The following ARHGEF28 variants were observed in gnomAD, a reference collection of about 807,000 sequenced individuals.
ARHGEF28 encodes the protein 190 kDa guanine nucleotide exchange factor.
In ARHGEF28, 152 loss-of-function variants were observed where a neutral mutation model predicts 206.6. The observed-to-expected ratio is 0.74, with a 90% CI of 0.64 to 0.84. The LOEUF (loss-of-function observed/expected upper bound fraction) is 0.84, where lower values mean the gene tolerates loss of function less well. Among genes scored for constraint, ARHGEF28 ranks in the 40% least tolerant of loss-of-function variants. ARHGEF28 has a pLI of 0.00. For synonymous variants in ARHGEF28, 763 were observed against 776.4 expected (o/e 0.98, Z 0.29); for missense variants, 2,028 against 2,073.2 (o/e 0.98, Z 0.42).
intron 4 of ARHGEF28, among the ~76,000 whole-genome samples, chr5:73,762,668 A>G (rs979685833): frequency 6.6e-6 from 1 of 152,096 alleles, no homozygotes; most frequent in African/African-American, 2.4e-5. Context: ...TCTTGTCAAC[A>G]CATTTAATTT....
intron 18 of ARHGEF28, among the ~76,000 whole-genome samples, 165 bp downstream of exon 18, chr5:73,866,178 T>C (rs1457481875): frequency 6.6e-6 from 1 of 152,230 alleles, no homozygotes; most frequent in Non-Finnish European, 1.5e-5. Flanking sequence ...TCAAGAAGGC[T>C]ATCAACTTCT....
chr5:73,770,348 T>G (rs1372010807), intron 4 of ARHGEF28, among the ~76,000 whole-genome samples: 2 of 152,228 alleles, frequency 1.3e-5, no homozygotes, highest in African/African-American at 2.4e-5. Flanking sequence ...TGTTATGCAG[T>G]AAGGAATGGC....
At chr5:73,628,091 C>CT (rs370617302) in intron 1 of ARHGEF28, among the ~76,000 whole-genome samples, 1,767 of 146,888 alleles carry the variant, frequency 0.012, 24 homozygotes, top group African/African-American at 0.04. Flanking sequence ...GGGTTTCATA[C>CT]TTTTTTTTTT....
chr5:73,893,893 T>C (rs756464319), intron 28 of ARHGEF28, among the ~76,000 whole-genome samples: 3 of 152,174 alleles, frequency 2.0e-5, no homozygotes, highest in Non-Finnish European at 4.4e-5. Flanking sequence ...CTTTGAGCTT[T>C]AAGAATTCTG....
intron 35 of ARHGEF28, among the ~76,000 whole-genome samples, chr5:73,923,551 G>A (rs1217552207): frequency 2.0e-5 from 3 of 152,300 alleles, no homozygotes; most frequent in Admixed American, 1.3e-4. Context: ...TCAGGTAAGA[G>A]ATACAGATAT....
intron 7 of ARHGEF28, among the ~76,000 whole-genome samples, chr5:73,789,468 T>C (rs1473764990): frequency 1.3e-5 from 2 of 152,110 alleles, no homozygotes; most frequent in Non-Finnish European, 2.9e-5. Flanking sequence ...ATTGGAGTGA[T>C]GAAAATATCC....
intron 9 of ARHGEF28, among the ~76,000 whole-genome samples, chr5:73,806,754 A>C (rs111206742): frequency 0.017 from 2,048 of 118,724 alleles, 218 homozygotes; most frequent in African/African-American, 0.065. Context: ...CATATATACG[A>C]TATATCGTAT....
intron 9 of ARHGEF28, chr5:73,813,623 C>G: frequency 6.5e-7 from 1 of 1,535,858 alleles, no homozygotes; most frequent in Non-Finnish European, 8.7e-7. Flanking sequence ...TTTAACTACT[C>G]GTGGCCTTCC....
chr5:73,713,544 T>G (rs1384866498), intron 2 of ARHGEF28, among the ~76,000 whole-genome samples: 1 of 152,182 alleles, frequency 6.6e-6, no homozygotes, highest in Non-Finnish European at 1.5e-5. Flanking sequence ...ACTTCAATTC[T>G]GAACAGATAG....
At chr5:73,811,363 A>G (rs1169630179) in intron 9 of ARHGEF28, among the ~76,000 whole-genome samples, 2 of 152,208 alleles carry the variant, frequency 1.3e-5, no homozygotes, top group Non-Finnish European at 1.5e-5. Context: ...ACACTTTATA[A>G]TAGTTCTTGT....
At chr5:73,700,141 G>C (rs1235457158) in intron 2 of ARHGEF28, among the ~76,000 whole-genome samples, 2 of 152,160 alleles carry the variant, frequency 1.3e-5, no homozygotes, top group Non-Finnish European at 2.9e-5. Flanking sequence ...TCAATTATCT[G>C]GTCTTTGAAA....
chr5:73,862,699 A>G (rs1240825702), intron 16 of ARHGEF28, among the ~76,000 whole-genome samples: 1 of 152,100 alleles, frequency 6.6e-6, no homozygotes, highest in Non-Finnish European at 1.5e-5. Context: ...AATACACTGA[A>G]TTAATTATTA....
chr5:73,683,911 C>G (rs977840976), intron 1 of ARHGEF28, among the ~76,000 whole-genome samples: 3 of 152,056 alleles, frequency 2.0e-5, no homozygotes, highest in Non-Finnish European at 4.4e-5. Context: ...TAGGAGCAGT[C>G]TATGGGATAG....
intron 16 of ARHGEF28, among the ~76,000 whole-genome samples, chr5:73,859,124 A>T (rs1479364257): frequency 6.6e-6 from 1 of 152,092 alleles, no homozygotes; most frequent in Non-Finnish European, 1.5e-5. Flanking sequence ...TCCCATTATA[A>T]TATTTACCAC....
Position 73,868,035 on chromosome 5 carries a change from G to A in ARHGEF28, c.2297+15G>A. 1 of 1,613,716 alleles carries A rather than the reference G, an allele frequency of 6.2e-7. No individual in the cohort carries two copies. Among genetic ancestry groups the A allele is most frequent in the South Asian group, 1.1e-5 (1 of 91,038 alleles). ...ACCTTGGAAAGGTAAGGCTGAGTGT[G>A]TTTTTACATATTAATGGCTCAGAGA... On this transcript the variant is annotated intron_variant, in intron 19 of 35. Coordinates refer to ENST00000513042, the MANE Select transcript of ARHGEF28 (RefSeq NM_001177693.2).
chr5:73,801,618 G>T (rs1421724221), intron 9 of ARHGEF28, among the ~76,000 whole-genome samples: 2 of 152,126 alleles, frequency 1.3e-5, no homozygotes, highest in African/African-American at 4.8e-5. Context: ...GGGAGGGGGG[G>T]ACCTTAGCAG....
intron 2 of ARHGEF28, among the ~76,000 whole-genome samples, chr5:73,698,663 C>T (rs1580497162): frequency 1.3e-5 from 2 of 151,886 alleles, no homozygotes; most frequent in South Asian, 2.1e-4. Flanking sequence ...GGGAGGCAAT[C>T]GCATCATTAC....
chr5:73,801,347 T>C (rs1160655506), intron 9 of ARHGEF28, among the ~76,000 whole-genome samples: 1 of 151,912 alleles, frequency 6.6e-6, no homozygotes, highest in African/African-American at 2.4e-5. Context: ...CTTGGGAGGC[T>C]GAGGCAGGAG....
rs185527951 is a variant in ARHGEF28, at chr5:73,867,418, A to G, written c.2153-458A>G. On this transcript the variant is annotated intron_variant, in intron 18 of 35. Transcript: ENST00000513042. The stretch of plus-strand genomic sequence containing the variant: ...GGCTTCATTTGCCTGAGATCCTTAT[A>G]CCATGAAGAATAGGCTCTCCAGCAT... Among the ~76,000 whole-genome samples, 9 of 152,302 alleles carry G rather than the reference A, an allele frequency of 5.9e-5. No individual in the cohort carries two copies. In the East Asian group the frequency reaches 1.7e-3, roughly 29 times the overall value.
Sources: gnomAD v4.1 joint callset for allele counts (sites outside exome capture counted in the v4.1 genomes callset) on GRCh38, gnomAD v4.1.1 for gene constraint, MANE v1.5 for transcripts, NCBI Gene and HGNC (gene_info 2026-07-23, HGNC 2026-07-21) for gene names.